ZPLD1: variants seen among roughly 807,000 people sequenced by gnomAD.
The protein encoded by ZPLD1 is zona pellucida like domain containing 1.
ZPLD1 carries 34 observed loss-of-function variants against 47.2 expected under a neutral mutation model. That is an observed-to-expected ratio of 0.72 (90% CI 0.55 to 0.96). The LOEUF (loss-of-function observed/expected upper bound fraction) is 0.96, where lower values mean the gene tolerates loss of function less well. Ranked by LOEUF, ZPLD1 falls within the 40% of genes least tolerant of loss-of-function variation. The pLI, the probability that ZPLD1 is intolerant of heterozygous loss-of-function variation, is 0.00. For missense variants in ZPLD1, 512 were observed against 505.8 expected, an observed-to-expected ratio of 1.01 and a Z score of -0.12; for synonymous variants, 176 against 186.2, an observed-to-expected ratio of 0.95 and a Z score of 0.45.
At chr3:102,461,324 G>A (rs1707503896) in intron 6 of ZPLD1, among the ~76,000 whole-genome samples, 1 of 151,758 alleles carries the variant, frequency 6.6e-6, no homozygotes, top group Non-Finnish European at 1.5e-5. Flanking sequence ...GGTTTTTTTG[G>A]TTTGTTTTTT....
At chr3:102,447,419 A>G (rs1310116777) in intron 3 of ZPLD1, among the ~76,000 whole-genome samples, 2 of 152,166 alleles carry the variant, frequency 1.3e-5, no homozygotes, top group African/African-American at 2.4e-5. Flanking sequence ...CGTTTCATAC[A>G]GATGTTTACT....
At chr3:102,449,628 A>T (rs1328919536) in intron 3 of ZPLD1, among the ~76,000 whole-genome samples, 4 of 152,148 alleles carry the variant, frequency 2.6e-5, no homozygotes, top group Non-Finnish European at 5.9e-5. Flanking sequence ...TATCAGATTG[A>T]CTGTCTCAGC....
intron 2 of ZPLD1, among the ~76,000 whole-genome samples, chr3:102,437,586 A>G (rs62272476): frequency 6.6e-6 from 1 of 152,144 alleles, no homozygotes; most frequent in Non-Finnish European, 1.5e-5. Flanking sequence ...GATTCTTTTC[A>G]GTGTACAAAC....
intron 7 of ZPLD1, among the ~76,000 whole-genome samples, chr3:102,395,651 A>G (rs1379067930): frequency 1.3e-5 from 2 of 152,182 alleles, no homozygotes; most frequent in African/African-American, 2.4e-5. Context: ...GTTTTAAGCT[A>G]CGATATTTGG....
intron 7 of ZPLD1, among the ~76,000 whole-genome samples, chr3:102,411,261 C>T (rs894306558): frequency 1.3e-5 from 2 of 151,742 alleles, no homozygotes; most frequent in Non-Finnish European, 2.9e-5. Context: ...CCAAAAAACC[C>T]TTTGCCCAGC....
chr3:102,440,772 G>A (rs1195694412), intron 3 of ZPLD1, among the ~76,000 whole-genome samples: 1 of 151,016 alleles, frequency 6.6e-6, no homozygotes, highest in Non-Finnish European at 1.5e-5. Context: ...CCTGAGCCAG[G>A]AATTGAAAGA....
Position 102,466,735 on chromosome 3 carries a change from C to A in ZPLD1, c.762-2229C>A, listed in dbSNP as rs6765041. Among the ~76,000 whole-genome samples, 418 of 150,662 alleles carry A rather than the reference C, an allele frequency of 2.8e-3. 1 individual carries two copies. Among genetic ancestry groups the A allele is most frequent in the African/African-American group, 9.7e-3 (398 of 40,982 alleles). ...AGATCACAGCAGAAACAGTGTGGGACATGAAAGATAAGTATAAGAAATACA... is the reference window on the plus strand; with the variant it reads ...AGATCACAGCAGAAACAGTGTGGGAAATGAAAGATAAGTATAAGAAATACA... On this transcript the variant is annotated intron_variant, in intron 8 of 11. Coordinates refer to ENST00000466937, the MANE Select transcript of ZPLD1 (RefSeq NM_001329788.2).
At chr3:102,417,837 C>G (rs1395793184) in intron 7 of ZPLD1, among the ~76,000 whole-genome samples, 2 of 151,630 alleles carry the variant, frequency 1.3e-5, no homozygotes. Flanking sequence ...ACATATACCA[C>G]TCACGACATC....
chr3:102,388,459 G>C (rs5027512), intron 6 of ZPLD1, among the ~76,000 whole-genome samples: 24,183 of 117,308 alleles, frequency 0.21, 2,289 homozygotes, highest in Middle Eastern at 0.28. Context: ...CTCTGTCTGT[G>C]TGTGTGTGTG....
chr3:102,467,632 T>A (rs1177113960), intron 8 of ZPLD1, among the ~76,000 whole-genome samples: 1 of 152,034 alleles, frequency 6.6e-6, no homozygotes, highest in Non-Finnish European at 1.5e-5. Context: ...TAAAAAATAG[T>A]ATTGGACCTA....
At chr3:102,439,276 C>T (rs568029971) in intron 3 of ZPLD1, among the ~76,000 whole-genome samples, 1 of 152,346 alleles carries the variant, frequency 6.6e-6, no homozygotes, top group South Asian at 2.1e-4. Context: ...CAAATGGAAT[C>T]TCTTTGGCCG....
intron 1 of ZPLD1, 144 bp downstream of exon 1, chr3:102,435,298 G>A: frequency 1.2e-6 from 1 of 832,726 alleles, no homozygotes. Context: ...CTTTATAAGA[G>A]ATATGGGTGT....
intron 4 of ZPLD1, 65 bp from the exon 5 acceptor site, chr3:102,456,128 C>T (rs1473063203): frequency 7.7e-7 from 1 of 1,307,072 alleles, no homozygotes; most frequent in Non-Finnish European, 1.0e-6. Flanking sequence ...TTTTATTTTG[C>T]ATATGAAGTG....
chr3:102,393,267 A>T (rs932575972), intron 7 of ZPLD1, among the ~76,000 whole-genome samples: 1 of 152,146 alleles, frequency 6.6e-6, no homozygotes, highest in Non-Finnish European at 1.5e-5. Flanking sequence ...CCGGCCCAGA[A>T]GTATATTAAG....
chr3:102,389,951 C>G (rs1397589847), intron 6 of ZPLD1, among the ~76,000 whole-genome samples: 1 of 152,054 alleles, frequency 6.6e-6, no homozygotes, highest in African/African-American at 2.4e-5. Flanking sequence ...GGGTTGATAG[C>G]ATATTGGATA....
At chr3:102,437,416 C>T (rs910745003) in intron 2 of ZPLD1, among the ~76,000 whole-genome samples, 2 of 152,254 alleles carry the variant, frequency 1.3e-5, no homozygotes, top group East Asian at 3.8e-4. Context: ...TTCCTAAAGA[C>T]TTGATTAATT....
intron 7 of ZPLD1, among the ~76,000 whole-genome samples, chr3:102,412,441 A>T (rs1706756284): frequency 6.6e-6 from 1 of 151,714 alleles, no homozygotes; most frequent in Non-Finnish European, 1.5e-5. Flanking sequence ...ATGCTGCTAC[A>T]CTAGCTGTAG....
intron 6 of ZPLD1, among the ~76,000 whole-genome samples, chr3:102,388,859 G>A (rs1358577364): frequency 6.6e-6 from 1 of 152,054 alleles, no homozygotes; most frequent in Non-Finnish European, 1.5e-5. Flanking sequence ...TGATTTTTTT[G>A]TCCAAGTGAT....
intron 6 of ZPLD1, among the ~76,000 whole-genome samples, chr3:102,388,714 G>T (rs1264278491): frequency 6.6e-6 from 1 of 152,006 alleles, no homozygotes; most frequent in Non-Finnish European, 1.5e-5. Context: ...GTAGTTCTCT[G>T]CACAGTGGTT....
Sources: allele counts gnomAD v4.1 joint callset (sites outside exome capture counted in the v4.1 genomes callset), GRCh38; gene constraint gnomAD v4.1.1; transcripts MANE v1.5; gene names NCBI Gene and HGNC (gene_info 2026-07-23, HGNC 2026-07-21).